The following CIMAP2 variants were observed in gnomAD, a reference collection of about 807,000 sequenced individuals.
CIMAP2 encodes the protein ciliary microtubule associated protein 2.
the CIMAP2 span, chr1:54,806,861 C>G: frequency 3.7e-6 from 3 of 818,376 alleles, no homozygotes; most frequent in South Asian, 2.9e-5. Flanking sequence ...GCCACTGCAA[C>G]TCCACTACTT....
chr1:54,827,815 C>A, the CIMAP2 span, among the ~76,000 whole-genome samples: 2 of 152,176 alleles, frequency 1.3e-5, no homozygotes, highest in Non-Finnish European at 2.9e-5. Flanking sequence ...AATTTCTTTA[C>A]AGAGGCTTAA....
chr1:54,837,790 A>G, the CIMAP2 span, among the ~76,000 whole-genome samples: 152,216 of 152,232 alleles, frequency 1, 76,100 homozygotes, highest in Non-Finnish European at 1. Context: ...AGTCTGCTGG[A>G]ATCACCCTTG....
the CIMAP2 span, among the ~76,000 whole-genome samples, chr1:54,835,367 A>G: frequency 1.6e-4 from 24 of 151,024 alleles, no homozygotes; most frequent in Middle Eastern, 3.4e-3. Flanking sequence ...AATTTTTGTA[A>G]TGTTTGTACA....
the CIMAP2 span, chr1:54,814,032 G>A: frequency 2.6e-6 from 4 of 1,530,890 alleles, no homozygotes; most frequent in Non-Finnish European, 3.5e-6. Context: ...TCCTTCCGGG[G>A]CTGGGCATGG....
the CIMAP2 span, among the ~76,000 whole-genome samples, chr1:54,829,333 CCTAA>C: frequency 6.6e-6 from 1 of 152,172 alleles, no homozygotes; most frequent in Non-Finnish European, 1.5e-5. Context: ...CCTGGTGAGG[CCTAA>C]CTAAGTCTTA....
chr1:54,811,773 G>GGGGGGGGC, the CIMAP2 span: 1 of 1,325,052 alleles, frequency 7.5e-7, no homozygotes. Context: ...CAGCCTCCAT[G>GGGGGGGGC]CCCCCACCCC....
the CIMAP2 span, among the ~76,000 whole-genome samples, chr1:54,831,974 G>A: frequency 3.3e-5 from 5 of 152,224 alleles, no homozygotes; most frequent in East Asian, 9.6e-4. Flanking sequence ...AGCCTTCCAA[G>A]TAGCTGGGAC....
At chr1:54,810,552 G>A in the CIMAP2 span, among the ~76,000 whole-genome samples, 6 of 152,268 alleles carry the variant, frequency 3.9e-5, no homozygotes, top group South Asian at 6.2e-4. Context: ...GACTCCCCAC[G>A]CAGAGGTCCC....
At chr1:54,816,568 C>T in the CIMAP2 span, among the ~76,000 whole-genome samples, 4 of 152,276 alleles carry the variant, frequency 2.6e-5, no homozygotes, top group African/African-American at 7.2e-5. Flanking sequence ...TCTGCAGGTC[C>T]GTGCTCCCTC....
chr1:54,839,240 G>A, the CIMAP2 span, among the ~76,000 whole-genome samples: 1 of 152,122 alleles, frequency 6.6e-6, no homozygotes, highest in African/African-American at 2.4e-5. Flanking sequence ...TGTGGGGTGT[G>A]TAGAGGGGAA....
chr1:54,829,512 A>C, the CIMAP2 span, among the ~76,000 whole-genome samples: 1 of 152,190 alleles, frequency 6.6e-6, no homozygotes, highest in Admixed American at 6.5e-5. Context: ...CAGAAGATCG[A>C]TCACAGGTGT....
the CIMAP2 span, chr1:54,807,043 T>A: frequency 6.2e-7 from 1 of 1,614,174 alleles, no homozygotes; most frequent in Non-Finnish European, 8.5e-7. Context: ...TTCAGCACCT[T>A]CACTGAGGCC....
the CIMAP2 span, among the ~76,000 whole-genome samples, chr1:54,840,094 A>C: frequency 0.75 from 113,440 of 152,124 alleles, 43,501 homozygotes; most frequent in Middle Eastern, 0.85. Flanking sequence ...TCATACATAT[A>C]ACCTCAGGCA....
At chr1:54,812,071 ACTT>A in the CIMAP2 span, 11 of 1,614,052 alleles carry the variant, frequency 6.8e-6, 1 homozygote, top group South Asian at 1.1e-4. Flanking sequence ...CCCGGCACCT[ACTT>A]CTTCAAAAGC....
chr1:54,807,744 A>C, the CIMAP2 span: 17 of 1,536,718 alleles, frequency 1.1e-5, no homozygotes, highest in Non-Finnish European at 1.4e-5. Context: ...CTTCCTGTCC[A>C]TTGCAGCTGC....
the CIMAP2 span, among the ~76,000 whole-genome samples, chr1:54,819,604 C>A: frequency 9.9e-5 from 15 of 152,264 alleles, no homozygotes; most frequent in African/African-American, 3.6e-4. Context: ...CTCTTGGGCT[C>A]AGGCTGTCCT....
At chr1:54,821,769 T>G in the CIMAP2 span, among the ~76,000 whole-genome samples, 4 of 152,172 alleles carry the variant, frequency 2.6e-5, 1 homozygote, top group Non-Finnish European at 5.9e-5. Flanking sequence ...CTGAATTCAC[T>G]TCTCAGTTCT....
At chr1:54,833,999 G>A in the CIMAP2 span, among the ~76,000 whole-genome samples, 4 of 152,060 alleles carry the variant, frequency 2.6e-5, no homozygotes, top group African/African-American at 7.2e-5. Flanking sequence ...CACCACAGCC[G>A]GCTAATTTTT....
chr1:54,825,882 T>C, the CIMAP2 span, among the ~76,000 whole-genome samples: 1 of 151,678 alleles, frequency 6.6e-6, no homozygotes, highest in East Asian at 1.9e-4. Flanking sequence ...GGGTGGTGTG[T>C]GAGTGGGTGC....
Sources: allele counts gnomAD v4.1 joint callset (sites outside exome capture counted in the v4.1 genomes callset), GRCh38; gene constraint gnomAD v4.1.1; transcripts MANE v1.5; gene names NCBI Gene and HGNC (gene_info 2026-07-23, HGNC 2026-07-21).